Variants in CNOT7 observed in about 807,000 individuals in gnomAD.
The protein encoded by CNOT7 is BTG1-binding factor 1.
CNOT7 carries 4 observed loss-of-function variants against 37.1 expected under a neutral mutation model. The ratio of observed to expected loss-of-function variants is 0.11; its 90% confidence interval spans 0.05 to 0.25. CNOT7 has a LOEUF of 0.25. CNOT7 is among the 10% of genes least tolerant of loss of function. CNOT7 has a pLI of 1.00. For missense variants in CNOT7, 170 were observed against 336.2 expected (o/e 0.51, Z 3.87); for synonymous variants, 128 against 115.6 (o/e 1.11, Z -0.69).
chr8:17,234,298 C>T (rs991391987), intron 5 of CNOT7, among the ~76,000 whole-genome samples: 1 of 152,106 alleles, frequency 6.6e-6, no homozygotes, highest in African/African-American at 2.4e-5. Flanking sequence ...AAACTTTTGC[C>T]ACACTACTAA....
At chr8:17,238,864 T>G (rs1335190247) in intron 3 of CNOT7, among the ~76,000 whole-genome samples, 2 of 152,192 alleles carry the variant, frequency 1.3e-5, no homozygotes, top group Non-Finnish European at 2.9e-5. Flanking sequence ...TCTTTCTTAC[T>G]TAGACTACAA....
chr8:17,240,402 T>C (rs1307114887), intron 3 of CNOT7, among the ~76,000 whole-genome samples: 1 of 152,134 alleles, frequency 6.6e-6, no homozygotes, highest in Non-Finnish European at 1.5e-5. Flanking sequence ...GTGTATTTTA[T>C]GTGTGGCCCA....
chr8:17,242,204 A>T (rs1052028052), intron 3 of CNOT7: 1 of 152,184 alleles, frequency 6.6e-6, no homozygotes, highest in Non-Finnish European at 1.5e-5. Flanking sequence ...GTCAGGAATC[A>T]ATTTTATTTT....
At chr8:17,234,695 T>A in intron 5 of CNOT7, 21 bp downstream of exon 5, 1 of 1,613,234 alleles carries the variant, frequency 6.2e-7, no homozygotes, top group Non-Finnish European at 8.5e-7. Flanking sequence ...CTGCTGTAGA[T>A]AATGCCATCC....
intron 2 of CNOT7, among the ~76,000 whole-genome samples, chr8:17,243,868 TAC>T (rs1294237522): frequency 1.3e-5 from 2 of 152,226 alleles, no homozygotes; most frequent in Non-Finnish European, 2.9e-5. Flanking sequence ...GTATGTCATC[TAC>T]AAAGAAACAG....
chr8:17,231,979 A>G lies in CNOT7; in HGVS notation c.729+448T>C, dbSNP rs1038975625. The G allele has an allele frequency of 2.0e-5, 20 of 991,228 alleles. No individual in the cohort carries two copies. In the East Asian group the frequency reaches 1.2e-3, roughly 61 times the overall value. 61.4% of individuals were successfully genotyped at this position (991,228 alleles called of 1,614,324 possible). A position where few individuals can be genotyped will look rare whatever the true frequency, so the allele number is the denominator to read the frequency against. Reference sequence around the variant, plus strand: ...AAAGCACTGAAGAATGACATGAGCAAATAATATATTTATCACCAGTTTAAA... The same window carrying G: ...AAAGCACTGAAGAATGACATGAGCAGATAATATATTTATCACCAGTTTAAA... On this transcript the variant is annotated intron_variant, in intron 6 of 6. Coordinates refer to ENST00000361272, the MANE Select transcript of CNOT7 (RefSeq NM_013354.7).
In CNOT7 at chr8:17,228,480, G is replaced by A. The variant is rs28549074; in HGVS notation, c.*2240C>T. 0.24 allele frequency: 36,924 copies of A among 151,798 alleles called. 5,865 individuals are homozygous for A. The highest frequency in any genetic ancestry group is 0.63 in the East Asian group (3,274 of 5,162). 9.4% of individuals were successfully genotyped at this position (151,798 alleles called of 1,614,324 possible). A position where few individuals can be genotyped will look rare whatever the true frequency, so the allele number is the denominator to read the frequency against. On this transcript the variant is annotated 3_prime_UTR_variant, in exon 7 of 7. Transcript: ENST00000361272. ...AAAATACTAAGATGCATTTAATGCAGGCAACAGCATACAGTCCCCCAATTT... is the reference window on the plus strand; with the variant it reads ...AAAATACTAAGATGCATTTAATGCAAGCAACAGCATACAGTCCCCCAATTT...
At position 17,226,079 on chromosome 8, in the gene CNOT7, AGAG is replaced by A. The variant is rs1808139270; in HGVS notation, c.*4638_*4640del. 2 of 132,796 alleles carry A rather than the reference AGAG, an allele frequency of 1.5e-5. No homozygotes were observed. Among genetic ancestry groups the A allele is most frequent in the African/African-American group, 5.8e-5 (2 of 34,440 alleles). The allele number at this position is 132,796 out of a possible 1,614,324, so 8.2% of individuals were successfully genotyped here. ...TTGAAAAGGGCAGGTAGCAAATATT[AGAG>A]GCTTTGCAAGCTAAGACAAAATGAA... On this transcript the variant is annotated 3_prime_UTR_variant, in exon 7 of 7. Transcript: ENST00000361272.
chr8:17,232,294 G>T (rs964800560), intron 6 of CNOT7, 133 bp downstream of exon 6: 1 of 1,532,064 alleles, frequency 6.5e-7, no homozygotes. Context: ...AAGTGTGGTG[G>T]ATGTGACTCA....
intron 6 of CNOT7, chr8:17,231,498 T>C (rs1278231672): frequency 1.5e-5 from 15 of 983,272 alleles, no homozygotes; most frequent in Admixed American, 6.2e-5. Context: ...AAATCACTTC[T>C]GAATCAACAA....
chr8:17,231,663 T>C, intron 6 of CNOT7: 9 of 985,394 alleles, frequency 9.1e-6, no homozygotes, highest in Non-Finnish European at 8.4e-6. Context: ...AAGAAAAACC[T>C]CACTTGTTTT....
In CNOT7 at chr8:17,237,140, T is replaced by C. The variant is rs180715088; in HGVS notation, c.473+72A>G. On this transcript the variant is annotated intron_variant, in intron 4 of 6. Transcript: ENST00000361272. ...AGAATTAAACCTGAAATTGCTAACA[T>C]AGTGACCCAAGTAAGTGTGGAGCAA... 6.9e-5 allele frequency: 101 copies of C among 1,458,790 alleles called. 1 individual carries two copies. In the African/African-American group the frequency reaches 1.1e-3, roughly 16 times the overall value. 90.4% of individuals were successfully genotyped at this position (1,458,790 alleles called of 1,614,324 possible).
rs2150966578 is a variant in CNOT7 at position 17,230,659 on chromosome 8, G to T, written c.*61C>A. The T allele has an allele frequency of 6.9e-7, 1 of 1,450,342 alleles. No individual in the cohort carries two copies. The highest frequency in any genetic ancestry group is 9.3e-7 in the Non-Finnish European group (1 of 1,078,056). The allele number at this position is 1,450,342 out of a possible 1,614,324, so 89.8% of individuals were successfully genotyped here. On this transcript the variant is annotated 3_prime_UTR_variant, in exon 7 of 7. Coordinates refer to ENST00000361272, the MANE Select transcript of CNOT7 (RefSeq NM_013354.7). ...CTATTGTTCGAGGGATTCAACCAGA[G>T]ATAAAACCTATATACAAGCATGTGT... is the stretch of plus-strand genomic sequence containing the variant.
chr8:17,243,990 G>T (rs868140763), intron 2 of CNOT7, among the ~76,000 whole-genome samples: 55 of 152,066 alleles, frequency 3.6e-4, no homozygotes, highest in African/African-American at 1.2e-3. Context: ...TTCAAACTAG[G>T]GCTAGCTAAG....
At chr8:17,244,032 T>C (rs1236594336) in intron 2 of CNOT7, among the ~76,000 whole-genome samples, 1 of 152,094 alleles carries the variant, frequency 6.6e-6, no homozygotes, top group Non-Finnish European at 1.5e-5. Flanking sequence ...CACTATGAAA[T>C]AGTAAAGAAA....
chr8:17,226,399 G>T lies in CNOT7; in HGVS notation c.*4321C>A, dbSNP rs1013371310. The T allele has an allele frequency of 3.3e-5, 5 of 150,964 alleles. No homozygotes were observed. Among genetic ancestry groups the T allele is most frequent in the Non-Finnish European group, 7.4e-5 (5 of 67,388 alleles). The allele number at this position is 150,964 out of a possible 1,614,324, so 9.4% of individuals were successfully genotyped here. A position where few individuals can be genotyped will look rare whatever the true frequency, so the allele number is the denominator to read the frequency against. ...TGTCTTTTCACACAAACAGGTCAAG[G>T]TACTGCTAAATACTGACACATCCAC... On this transcript the variant is annotated 3_prime_UTR_variant, in exon 7 of 7. Transcript: ENST00000361272.
chr8:17,227,385 G>A lies in CNOT7; in HGVS notation c.*3335C>T, dbSNP rs1808231398. 6.6e-6 allele frequency: 1 copy of A among 151,828 alleles called. No homozygotes were observed. The highest frequency in any genetic ancestry group is 1.5e-5 in the Non-Finnish European group (1 of 67,808). 9.4% of individuals were successfully genotyped at this position (151,828 alleles called of 1,614,324 possible). A position where few individuals can be genotyped will look rare whatever the true frequency, so the allele number is the denominator to read the frequency against. On this transcript the variant is annotated 3_prime_UTR_variant, in exon 7 of 7. Transcript: ENST00000361272. ...AAAGCTAGGCAGTACTGACTAGTAA[G>A]AGGCAAAGAATTAACAGTGTCATTT... is the stretch of plus-strand genomic sequence containing the variant.
At chr8:17,245,959 A>G (rs1810954562) in intron 1 of CNOT7, 1 of 151,996 alleles carries the variant, frequency 6.6e-6, no homozygotes, top group Admixed American at 6.6e-5. Flanking sequence ...ATTGGAAAAA[A>G]AAAAAACAAG....
intron 3 of CNOT7, among the ~76,000 whole-genome samples, chr8:17,239,505 T>C (rs1248474790): frequency 1.3e-5 from 2 of 152,226 alleles, no homozygotes; most frequent in Admixed American, 1.3e-4. Context: ...AAAGTGATTT[T>C]TCTTTTTTGA....
Sources: gnomAD v4.1 joint callset for allele counts (sites outside exome capture counted in the v4.1 genomes callset) on GRCh38, gnomAD v4.1.1 for gene constraint, MANE v1.5 for transcripts, NCBI Gene and HGNC (gene_info 2026-07-23, HGNC 2026-07-21) for gene names.